Variants in LTF observed in about 807,000 individuals in gnomAD.
The protein encoded by LTF is epididymis luminal protein 110.
A neutral mutation model predicts 87.2 loss-of-function variants in LTF; 91 were observed. The ratio of observed to expected loss-of-function variants is 1.04; its 90% CI spans 0.88 to 1.24. LTF has a LOEUF of 1.24. Ranked by LOEUF, LTF falls within the 50% of genes most tolerant of loss-of-function variation. The pLI, the probability that LTF is intolerant of heterozygous loss-of-function variation, is 0.00. For synonymous variants in LTF, 378 were observed against 356.1 expected, an observed-to-expected ratio of 1.06 and a Z score of -0.69; for missense variants, 901 against 904.3, an observed-to-expected ratio of 1.00 and a Z score of 0.05.
Position 46,443,507 on chromosome 3 carries a change from TCGTCGCCAATA to T in LTF, c.1578_1588del (p.Cys526Ter). ...GGGCACGCACTTATTCTCACCCTGCTCGTCGCCAATACACAGAGCACAGAGATTAGATCTCG... is the reference window on the plus strand; with the variant it reads ...GGGCACGCACTTATTCTCACCCTGCTCACAGAGCACAGAGATTAGATCTCG... On this transcript the variant is annotated stop_gained and frameshift_variant, in exon 13 of 17. Coordinates refer to ENST00000231751, the MANE Select transcript of LTF (RefSeq NM_002343.6). LOFTEE classifies it high-confidence loss of function. 1 of 1,614,180 alleles carries T rather than the reference TCGTCGCCAATA, an allele frequency of 6.2e-7. No homozygotes were observed. The highest frequency in any genetic ancestry group is 1.3e-5 in the African/African-American group (1 of 75,038).
intron 16 of LTF, 132 bp from the exon 17 acceptor site, chr3:46,436,361 A>G: frequency 1.2e-6 from 1 of 804,710 alleles, no homozygotes; most frequent in South Asian, 1.5e-5. Context: ...AGTGCTTGCC[A>G]CACTCATATT....
chr3:46,456,260 G>A (rs770621234), intron 3 of LTF, 30 bp downstream of exon 3: 20 of 1,581,570 alleles, frequency 1.3e-5, no homozygotes, highest in African/African-American at 4.0e-5. Flanking sequence ...TGAGGCCACC[G>A]TGGCCTCTGG....
intron 1 of LTF, among the ~76,000 whole-genome samples, chr3:46,463,133 G>T (rs547970425): frequency 3.3e-5 from 5 of 152,216 alleles, no homozygotes; most frequent in Middle Eastern, 3.4e-3. Context: ...GTCTAGGTCT[G>T]GCCCCTCCAA....
intron 16 of LTF, among the ~76,000 whole-genome samples, chr3:46,437,319 G>GGT (rs1702407265): frequency 1.1e-5 from 1 of 91,544 alleles, no homozygotes; most frequent in South Asian, 4.5e-4. Context: ...TCTAGAATCA[G>GGT]ATTTTTTTTT....
chr3:46,445,396 G>A lies in LTF; in HGVS notation c.1398C>T (p.Ser466=). 1.9e-6 allele frequency: 3 copies of A among 1,613,786 alleles called. No homozygotes were observed. The highest frequency in any genetic ancestry group is 2.5e-6 in the Non-Finnish European group (3 of 1,179,804). The change falls in exon 12 of 17, where the codon AGC becomes AGT. Residue 466 remains serine, a synonymous_variant. Coordinates refer to ENST00000231751, the MANE Select transcript of LTF (RefSeq NM_002343.6). ...AVAVVRRSDT[S]LTWNSVKGKK... ...TGCCTTTCACAGAGTTCCAGGTAAG[G>A]CTAGTGTCTGATCTCCTAACCACCG... is the stretch of plus-strand genomic sequence containing the variant.
rs955526741 is a variant in LTF, at chr3:46,443,540, C to A, written c.1556G>T (p.Arg519Ile). ...AATACACAGAGCACAGAGATTAGAT[C>A]TCGGGTCAGACCCAGGGGCACAGCT... ...SQSCAPGSDP[R>I]SNLCALCIGD... The change falls in exon 13 of 17, where the codon AGA becomes ATA. Residue 519 changes from arginine (R) to isoleucine (I), a missense_variant. Transcript: ENST00000231751. 3.1e-6 allele frequency: 5 copies of A among 1,614,060 alleles called. No homozygotes were observed. The African/African-American group carries it at 6.7e-5, about 22-fold the overall frequency.
In LTF at chr3:46,450,576, G is replaced by C. The variant is rs1413163420; in HGVS notation, c.801C>G (p.Ala267=). Residue 267 remains alanine (A), a synonymous_variant, in exon 7 of 17, where the codon GCC becomes GCG. Transcript: ENST00000231751. ...PVDKFKDCHL[A]RVPSHAVVAR... is the part of the protein sequence containing the mutation. Reference sequence around the variant, plus strand: ...CCACAACGGCATGAGAAGGGACCCGGGCCAGATGGCAGTCTTTGAACTTGT... The same window carrying C: ...CCACAACGGCATGAGAAGGGACCCGCGCCAGATGGCAGTCTTTGAACTTGT... 1 of 1,614,106 alleles carries C rather than the reference G, an allele frequency of 6.2e-7. No individual in the cohort carries two copies. The highest frequency in any genetic ancestry group is 8.5e-7 in the Non-Finnish European group (1 of 1,180,024).
At chr3:46,482,614 A>G (rs1703453893) in intron 1 of LTF, among the ~76,000 whole-genome samples, 3 of 33,308 alleles carry the variant, frequency 9.0e-5, no homozygotes, top group African/African-American at 3.0e-4. Context: ...AGAAAGAAGA[A>G]AGAAAGAAAG....
chr3:46,439,426 A>C lies in LTF; in HGVS notation c.1778T>G (p.Leu593Arg), dbSNP rs775730420. 6.2e-7 allele frequency: 1 copy of C among 1,614,034 alleles called. No individual in the cohort carries two copies. Residue 593 changes from leucine to arginine, a missense_variant, in exon 15 of 17, where the codon CTG becomes CGG. By Grantham distance (102) the Leu-to-Arg change is moderately radical (BLOSUM62 -2). Coordinates refer to ENST00000231751, the MANE Select transcript of LTF (RefSeq NM_002343.6). The part of the protein sequence containing the change: ...KDLKLADFAL[L>R]CLDGKRKPVT... The stretch of plus-strand genomic sequence containing the variant: ...AGGCTTCCGTTTGCCATCGAGGCAC[A>C]GCAGCGCAAAGTCTGCCAGCTTCAA...
intron 1 of LTF, among the ~76,000 whole-genome samples, chr3:46,473,244 C>G (rs931996512): frequency 6.6e-6 from 1 of 152,188 alleles, no homozygotes; most frequent in African/African-American, 2.4e-5. Context: ...ATAATCTGCT[C>G]CTGAAGAACC....
In LTF at chr3:46,444,733, C is replaced by T. The variant is rs796381709; in HGVS notation, c.1513+548G>A. The stretch of plus-strand genomic sequence containing the variant: ...ATTGAGGATGTGCTACACACCATGC[C>T]ACGGGGCCCACAGCAGGCAGGGTGT... On this transcript the variant is annotated intron_variant, in intron 12 of 16. Transcript: ENST00000231751. 7.2e-5 allele frequency among the ~76,000 whole-genome samples: 11 copies of T among 152,336 alleles called. No individual in the cohort carries two copies. In the East Asian group the frequency reaches 1.5e-3, roughly 21 times the overall value.
chr3:46,461,293 C>T (rs957614952), intron 1 of LTF, among the ~76,000 whole-genome samples: 1 of 152,216 alleles, frequency 6.6e-6, no homozygotes, highest in Non-Finnish European at 1.5e-5. Flanking sequence ...AACAATTGCA[C>T]TTCTAGGCAT....
At chr3:46,460,727 G>T in intron 1 of LTF, 1 of 275,230 alleles carries the variant, frequency 3.6e-6, no homozygotes, top group South Asian at 3.3e-5. Context: ...CAGCAATAAG[G>T]CAAGAAAAGA....
chr3:46,446,642 A>G, intron 10 of LTF, 149 bp from the exon 11 acceptor site: 1 of 637,392 alleles, frequency 1.6e-6, no homozygotes, highest in Admixed American at 2.9e-5. Flanking sequence ...TGTTCAACAA[A>G]AGACATGGCA....
In LTF at chr3:46,437,322, T is replaced by C. The variant is rs112414211; in HGVS notation, c.2098+618A>G. Among the ~76,000 whole-genome samples, 41 of 133,122 alleles carry C rather than the reference T, an allele frequency of 3.1e-4. 1 individual carries two copies. Among genetic ancestry groups the C allele is most frequent in the African/African-American group, 1.5e-3 (39 of 25,690 alleles). The allele number at this position is 133,122 out of a possible 152,430, so 87.3% of individuals were successfully genotyped here. A position where few individuals can be genotyped will look rare whatever the true frequency, so the allele number is the denominator to read the frequency against. ...CTATGGTAACTGTCTAGAATCAGAT[T>C]TTTTTTTTTTTTTTTTGAGGAAGGG... On this transcript the variant is annotated intron_variant, in intron 16 of 16. Transcript: ENST00000231751.
chr3:46,439,629 C>T (rs1702467932), intron 14 of LTF, 149 bp from the exon 15 acceptor site: 2 of 632,958 alleles, frequency 3.2e-6, no homozygotes, highest in Non-Finnish European at 5.4e-6. Flanking sequence ...CTTCATCCTA[C>T]ACAAGCTGTA....
chr3:46,450,621 G>C lies in LTF; in HGVS notation c.756C>G (p.Asp252Glu). 6.2e-7 allele frequency: 1 copy of C among 1,614,190 alleles called. No homozygotes were observed. The highest frequency in any genetic ancestry group is 8.5e-7 in the Non-Finnish European group (1 of 1,180,032). Residue 252 changes from aspartate (D) to glutamate (E), a missense_variant, in exon 7 of 17, where the codon GAC (aspartate) becomes GAG (glutamate). Asp to Glu is a conservative substitution (Grantham distance 45, BLOSUM62 2). Coordinates refer to ENST00000231751, the MANE Select transcript of LTF (RefSeq NM_002343.6). ...ERDEYELLCP[D>E]NTRKPVDKFK... ...ACTTGTCCACTGGCTTCCGAGTGTT[G>C]TCTGGGCAGAGTAACTCATACTCGT...
intron 1 of LTF, among the ~76,000 whole-genome samples, chr3:46,475,108 C>T (rs544217499): frequency 1.3e-5 from 2 of 152,268 alleles, no homozygotes; most frequent in South Asian, 2.1e-4. Flanking sequence ...GCTATCACAA[C>T]AGATCCTAAA....
chr3:46,437,479 C>A (rs887387425), intron 16 of LTF, among the ~76,000 whole-genome samples: 6 of 152,110 alleles, frequency 3.9e-5, no homozygotes, highest in Middle Eastern at 3.4e-3. Context: ...TGACACCACA[C>A]CAGGCTAATT....
Sources: gnomAD v4.1 joint callset for allele counts (sites outside exome capture counted in the v4.1 genomes callset) on GRCh38, gnomAD v4.1.1 for gene constraint, MANE v1.5 for transcripts, NCBI Gene and HGNC (gene_info 2026-07-23, HGNC 2026-07-21) for gene names.